NSRP1: variants seen among roughly 807,000 people sequenced by gnomAD.
NSRP1 encodes nuclear speckle splicing regulatory protein 1.
Under a neutral mutation model 54.7 loss-of-function variants are expected in NSRP1, and 24 were observed. That is an observed-to-expected ratio of 0.44 (90% CI 0.32 to 0.62). The LOEUF is 0.62. Among genes scored for constraint, NSRP1 ranks in the 20% least tolerant of loss-of-function variants. The pLI, the probability that NSRP1 is intolerant of heterozygous loss-of-function variation, is 0.06. For synonymous variants in NSRP1, 210 were observed against 213.8 expected, an observed-to-expected ratio of 0.98 and a Z score of 0.15; for missense variants, 596 against 651.2, an observed-to-expected ratio of 0.92 and a Z score of 0.92.
chr17:30,130,369 G>C (rs1002309500), intron 2 of NSRP1, among the ~76,000 whole-genome samples: 5 of 152,094 alleles, frequency 3.3e-5, no homozygotes, highest in Non-Finnish European at 7.4e-5. Flanking sequence ...AAAGTACTGG[G>C]ATTAGAAGTG....
At chr17:30,117,231 C>T in intron 1 of NSRP1, 1 of 621,260 alleles carries the variant, frequency 1.6e-6, no homozygotes, top group South Asian at 1.9e-5. Flanking sequence ...CAGTTCCTGG[C>T]TTCCTTAGAG....
At chr17:30,170,929 G>A (rs117732989) in intron 2 of NSRP1, among the ~76,000 whole-genome samples, 160 of 152,238 alleles carry the variant, frequency 1.1e-3, no homozygotes, top group Middle Eastern at 0.01. Flanking sequence ...TGGCACCCAT[G>A]CTAACCTTTA....
intron 2 of NSRP1, among the ~76,000 whole-genome samples, chr17:30,138,909 GTT>G (rs964449971): frequency 8.6e-5 from 5 of 58,186 alleles, no homozygotes; most frequent in Admixed American, 2.5e-4. Flanking sequence ...AAGTCTTAGC[GTT>G]TTTTTTTTTT....
chr17:30,147,740 G>T (rs1272486677), intron 2 of NSRP1, among the ~76,000 whole-genome samples: 1 of 151,948 alleles, frequency 6.6e-6, no homozygotes, highest in Non-Finnish European at 1.5e-5. Context: ...TGGGATTACA[G>T]GTGTGAGCCA....
intron 2 of NSRP1, among the ~76,000 whole-genome samples, chr17:30,164,316 G>A (rs1904653121): frequency 6.6e-6 from 1 of 152,140 alleles, no homozygotes; most frequent in Non-Finnish European, 1.5e-5. Context: ...TTTTGAAAAG[G>A]TATTTTCCTG....
intron 2 of NSRP1, among the ~76,000 whole-genome samples, chr17:30,169,407 A>G (rs1350797041): frequency 6.6e-6 from 1 of 152,080 alleles, no homozygotes. Context: ...GCATTTGGAG[A>G]TGTAATCTTC....
chr17:30,129,597 ATTAATC>A (rs2071681838), intron 2 of NSRP1, among the ~76,000 whole-genome samples: 2 of 152,184 alleles, frequency 1.3e-5, no homozygotes. Flanking sequence ...CTAATGAAAA[ATTAATC>A]TTATTTTAGC....
intron 2 of NSRP1, among the ~76,000 whole-genome samples, chr17:30,164,054 GTTAT>G (rs1178707132): frequency 6.6e-6 from 1 of 152,046 alleles, no homozygotes; most frequent in Admixed American, 6.6e-5. Flanking sequence ...ATTGTTTTAT[GTTAT>G]TTGTGATTGT....
intron 2 of NSRP1, among the ~76,000 whole-genome samples, chr17:30,145,693 A>G (rs1490554854): frequency 6.6e-6 from 1 of 151,562 alleles, no homozygotes; most frequent in Non-Finnish European, 1.5e-5. Context: ...TTATTTATTT[A>G]CTTTTTTTTT....
chr17:30,133,500 G>A (rs2071720916), intron 2 of NSRP1, among the ~76,000 whole-genome samples: 1 of 151,878 alleles, frequency 6.6e-6, no homozygotes, highest in African/African-American at 2.4e-5. Flanking sequence ...GTGCTGTCAT[G>A]TAGGCTTTGT....
At chr17:30,150,696 T>G (rs1354165678) in intron 2 of NSRP1, 5 of 136,814 alleles carry the variant, frequency 3.7e-5, no homozygotes, top group South Asian at 2.7e-4. Context: ...TTTTTTTTTT[T>G]TTTTTTTTTT....
chr17:30,122,349 T>TGTGTGTGTGTATATATATATA (rs1481107161), intron 2 of NSRP1: 1 of 72,306 alleles, frequency 1.4e-5, no homozygotes, highest in African/African-American at 5.7e-5. Context: ...ATAACTCTGG[T>TGTGTGTGTGTATATATATATA]TTCATATATA....
At chr17:30,151,298 A>G (rs1022297086) in intron 2 of NSRP1, among the ~76,000 whole-genome samples, 1 of 152,138 alleles carries the variant, frequency 6.6e-6, no homozygotes, top group African/African-American at 2.4e-5. Flanking sequence ...CTTGAACGAT[A>G]GGGGGGTTAG....
intron 2 of NSRP1, among the ~76,000 whole-genome samples, chr17:30,126,480 T>C (rs1348052680): frequency 6.6e-6 from 1 of 152,256 alleles, no homozygotes; most frequent in Non-Finnish European, 1.5e-5. Context: ...ACCTTTCTTA[T>C]TGCACTTAGC....
chr17:30,156,651 C>T (rs1174078929), intron 2 of NSRP1: 2 of 152,198 alleles, frequency 1.3e-5, no homozygotes, highest in African/African-American at 4.8e-5. Flanking sequence ...TCCCAAATAG[C>T]TGCAATTACA....
chr17:30,137,291 TATAA>T (rs544965942), intron 2 of NSRP1, among the ~76,000 whole-genome samples: 63 of 152,348 alleles, frequency 4.1e-4, no homozygotes, highest in Non-Finnish European at 7.9e-4. Flanking sequence ...AGTTTATCTC[TATAA>T]TAGAGTCCTT....
chr17:30,134,689 T>C (rs2071732851), intron 2 of NSRP1, among the ~76,000 whole-genome samples: 1 of 152,202 alleles, frequency 6.6e-6, no homozygotes, highest in Non-Finnish European at 1.5e-5. Flanking sequence ...CTGATTCAAG[T>C]CCATGCTTTT....
At position 30,178,243 on chromosome 17, in the gene NSRP1, A is replaced by G. The variant is rs369873229; in HGVS notation, c.300+44A>G. On this transcript the variant is annotated intron_variant, in intron 4 of 6. Transcript: ENST00000247026. ...CAAACTTTCTTTGACCTTGACCTAC[A>G]TTTTGTGTCTTAATCTTATTTTAAC... 9 of 1,573,842 alleles carry G rather than the reference A, an allele frequency of 5.7e-6. No homozygotes were observed. The African/African-American group carries it at 1.2e-4, about 22-fold the overall frequency.
At chr17:30,183,549 C>G (rs888237797) in intron 6 of NSRP1, among the ~76,000 whole-genome samples, 2 of 152,142 alleles carry the variant, frequency 1.3e-5, no homozygotes, top group African/African-American at 2.4e-5. Flanking sequence ...GAATTCCTAA[C>G]TGTTAGTGGG....
Sources: gnomAD v4.1 joint callset for allele counts (sites outside exome capture counted in the v4.1 genomes callset) on GRCh38, gnomAD v4.1.1 for gene constraint, MANE v1.5 for transcripts, NCBI Gene and HGNC (gene_info 2026-07-23, HGNC 2026-07-21) for gene names.